The following AKT3 variants were observed in gnomAD, a reference collection of about 807,000 sequenced individuals.
AKT3 encodes the protein RAC-gamma serine/threonine-protein kinase.
Under a neutral mutation model 65.3 loss-of-function variants are expected in AKT3, and 15 were observed. The ratio of observed to expected loss-of-function variants is 0.23; its 90% CI spans 0.15 to 0.35. The LOEUF (loss-of-function observed/expected upper bound fraction) is 0.35. Ranked by LOEUF, AKT3 falls within the 10% of genes least tolerant of loss-of-function variation. The pLI, the probability that AKT3 is intolerant of heterozygous loss-of-function variation, is 1.00. For missense variants in AKT3, 243 were observed against 576.5 expected, an observed-to-expected ratio of 0.42 and a Z score of 5.92; for synonymous variants, 206 against 183.8, an observed-to-expected ratio of 1.12 and a Z score of -0.98.
intron 2 of AKT3, among the ~76,000 whole-genome samples, chr1:243,782,468 A>G (rs1347041039): frequency 6.6e-6 from 1 of 152,164 alleles, no homozygotes; most frequent in African/African-American, 2.4e-5. Context: ...GAAGCTAACT[A>G]CTTCACTGGG....
intron 4 of AKT3, among the ~76,000 whole-genome samples, chr1:243,653,839 T>C (rs1427533100): frequency 1.3e-5 from 2 of 152,232 alleles, no homozygotes; most frequent in African/African-American, 4.8e-5. Flanking sequence ...TAATTTGAAA[T>C]GATATAATAC....
At chr1:243,582,188 G>T (rs1675412233) in intron 8 of AKT3, among the ~76,000 whole-genome samples, 1 of 151,988 alleles carries the variant, frequency 6.6e-6, no homozygotes, top group Non-Finnish European at 1.5e-5. Flanking sequence ...AATAACTCAA[G>T]AAAACTTTGG....
At chr1:243,612,781 C>T (rs1162481570) in intron 8 of AKT3, 1 of 152,004 alleles carries the variant, frequency 6.6e-6, no homozygotes, top group Non-Finnish European at 1.5e-5. Context: ...TGGCTCACGC[C>T]TGTAATCCCA....
At chr1:243,582,056 T>G (rs1024010835) in intron 8 of AKT3, among the ~76,000 whole-genome samples, 1 of 151,548 alleles carries the variant, frequency 6.6e-6, no homozygotes, top group Non-Finnish European at 1.5e-5. Context: ...AAAAATAATT[T>G]TAAAAAATGA....
At chr1:243,704,802 A>G (rs1385819235) in intron 2 of AKT3, among the ~76,000 whole-genome samples, 1 of 152,110 alleles carries the variant, frequency 6.6e-6, no homozygotes, top group Non-Finnish European at 1.5e-5. Flanking sequence ...AGGTTTTAAG[A>G]TTATTGCCCA....
chr1:243,676,161 C>T lies in AKT3; in HGVS notation c.173-11278G>A, dbSNP rs143192595. On this transcript the variant is annotated intron_variant, in intron 3 of 13. Coordinates refer to ENST00000673466, the MANE Select transcript of AKT3 (RefSeq NM_005465.7). Reference sequence around the variant, plus strand: ...AGGCAGGTCAACGAGTTGAAGTGAACGGGAGGTGATACTATTTTCGAAAGA... The same window carrying T: ...AGGCAGGTCAACGAGTTGAAGTGAATGGGAGGTGATACTATTTTCGAAAGA... Among the ~76,000 whole-genome samples the T allele has an allele frequency of 4.6e-3, 704 of 152,092 alleles. 1 individual carries two copies. The highest frequency in any genetic ancestry group is 0.016 in the African/African-American group (655 of 41,480).
chr1:243,849,337 A>G (rs1314498549), intron 1 of AKT3, among the ~76,000 whole-genome samples: 2 of 151,058 alleles, frequency 1.3e-5, no homozygotes, highest in Non-Finnish European at 2.9e-5. Flanking sequence ...TCAAAACCCC[A>G]CTACTATTAA....
chr1:243,614,661 G>A (rs927036278), intron 7 of AKT3, among the ~76,000 whole-genome samples: 3 of 151,930 alleles, frequency 2.0e-5, no homozygotes, highest in Admixed American at 2.0e-4. Context: ...AAATATATTC[G>A]ATAAACATTT....
intron 2 of AKT3, among the ~76,000 whole-genome samples, chr1:243,709,329 T>A (rs1347937328): frequency 2.0e-5 from 3 of 151,414 alleles, no homozygotes; most frequent in African/African-American, 7.2e-5. Flanking sequence ...AGATAAAAAT[T>A]ATTACAAGCA....
At chr1:243,791,529 G>A (rs1230012263) in intron 2 of AKT3, among the ~76,000 whole-genome samples, 1 of 152,082 alleles carries the variant, frequency 6.6e-6, no homozygotes, top group Admixed American at 6.5e-5. Flanking sequence ...TAAGTAAAAT[G>A]GTTTTGTAAA....
chr1:243,755,534 C>CA (rs1196090593), intron 2 of AKT3, among the ~76,000 whole-genome samples: 17 of 152,052 alleles, frequency 1.1e-4, no homozygotes. Flanking sequence ...GATAAGAAAG[C>CA]AAAACTATTG....
At chr1:243,534,755 T>C (rs1008633811) in intron 12 of AKT3, among the ~76,000 whole-genome samples, 2 of 152,168 alleles carry the variant, frequency 1.3e-5, no homozygotes, top group African/African-American at 4.8e-5. Context: ...ACAACACACA[T>C]ATTAAATAAT....
intron 2 of AKT3, among the ~76,000 whole-genome samples, chr1:243,753,019 C>A (rs1237104624): frequency 1.3e-5 from 2 of 152,178 alleles, no homozygotes; most frequent in Non-Finnish European, 2.9e-5. Context: ...TTGTTTCTAC[C>A]AGTCACAAGG....
At chr1:243,625,626 ATGG>A (rs1679103887) in intron 6 of AKT3, among the ~76,000 whole-genome samples, 1 of 152,194 alleles carries the variant, frequency 6.6e-6, no homozygotes, top group South Asian at 2.1e-4. Flanking sequence ...CATTGTCCAA[ATGG>A]TGGGTGACAA....
Position 243,504,598 on chromosome 1 carries a change from T to A in AKT3, c.*651A>T, listed in dbSNP as rs9428966. On this transcript the variant is annotated 3_prime_UTR_variant, in exon 14 of 14. Transcript: ENST00000673466. ...TCGACATCCACATGTGATATGGGCT[T>A]CTTCTACAGTATCCACCAGGAATTT... 5.5e-6 allele frequency: 1 copy of A among 181,666 alleles called. No homozygotes were observed. The highest frequency in any genetic ancestry group is 1.2e-5 in the Non-Finnish European group (1 of 85,368). 11.3% of individuals were successfully genotyped at this position (181,666 alleles called of 1,614,324 possible).
chr1:243,850,295 A>AGGCGGCGGC (rs34490111), upstream of AKT3, among the ~76,000 whole-genome samples: 287 of 118,332 alleles, frequency 2.4e-3, no homozygotes, highest in South Asian at 9.1e-3. Context: ...CTGGAGCGGG[A>AGGCGGCGGC]GGCGGCGGCG....
chr1:243,840,002 G>A (rs1481870547), intron 2 of AKT3, among the ~76,000 whole-genome samples: 1 of 151,852 alleles, frequency 6.6e-6, no homozygotes, highest in African/African-American at 2.4e-5. Flanking sequence ...CTAACACGGT[G>A]AAATCTCGTC....
chr1:243,492,599 C>T (rs1384418874), intron 13 of AKT3, among the ~76,000 whole-genome samples: 3 of 141,462 alleles, frequency 2.1e-5, no homozygotes, highest in Non-Finnish European at 3.0e-5. Flanking sequence ...CCACTGCGCC[C>T]AGCTGTTTTT....
intron 3 of AKT3, among the ~76,000 whole-genome samples, chr1:243,685,243 A>G (rs965656937): frequency 9.2e-5 from 14 of 152,206 alleles, no homozygotes; most frequent in African/African-American, 3.4e-4. Context: ...TATGTCCTGA[A>G]TATTATTGCC....
Sources: allele counts gnomAD v4.1 joint callset (sites outside exome capture counted in the v4.1 genomes callset), GRCh38; gene constraint gnomAD v4.1.1; transcripts MANE v1.5; gene names NCBI Gene and HGNC (gene_info 2026-07-23, HGNC 2026-07-21).